The following UBAP2L variants were observed in gnomAD, a reference collection of about 807,000 sequenced individuals.
The protein encoded by UBAP2L is ubiquitin-associated protein 2-like.
UBAP2L carries 12 observed loss-of-function variants against 130.6 expected under a neutral mutation model. That is an observed-to-expected ratio of 0.09 (90% confidence interval 0.06 to 0.15). The LOEUF is 0.15. Ranked by LOEUF, UBAP2L falls within the 10% of genes least tolerant of loss-of-function variation. UBAP2L has a pLI of 1.00. For missense variants in UBAP2L, 965 were observed against 1,332.5 expected, an observed-to-expected ratio of 0.72 and a Z score of 4.29; for synonymous variants, 503 against 524.7, an observed-to-expected ratio of 0.96 and a Z score of 0.57.
At chr1:154,264,905 A>G (rs763933437) in intron 24 of UBAP2L, among the ~76,000 whole-genome samples, 5 of 152,060 alleles carry the variant, frequency 3.3e-5, no homozygotes, top group African/African-American at 9.7e-5. Flanking sequence ...TGAACTTCCT[A>G]TTCTTAAAAG....
In UBAP2L at chr1:154,234,338, G is replaced by C. The variant is rs948364649; in HGVS notation, c.280-253G>C. Reference sequence around the variant, plus strand: ...AGATCACACCACTGCACTCCAGCCTGGGCAACAGAGCGAGACTCTGTCTCA... The same window carrying C: ...AGATCACACCACTGCACTCCAGCCTCGGCAACAGAGCGAGACTCTGTCTCA... On this transcript the variant is annotated intron_variant, in intron 4 of 26. Transcript: ENST00000428931. 2.6e-5 allele frequency among the ~76,000 whole-genome samples: 4 copies of C among 151,846 alleles called. No homozygotes were observed. The East Asian group carries it at 7.7e-4, about 29-fold the overall frequency.
intron 25 of UBAP2L, among the ~76,000 whole-genome samples, chr1:154,268,030 C>T (rs1459662315): frequency 6.6e-6 from 1 of 151,418 alleles, no homozygotes; most frequent in Non-Finnish European, 1.5e-5. Context: ...GCTGGGATTA[C>T]AGGCATGTGC....
At position 154,257,098 on chromosome 1, in the gene UBAP2L, T is replaced by A; in HGVS notation, c.2193T>A (p.Ser731=). The change falls in exon 19 of 27, where the codon TCT becomes TCA. Residue 731 remains serine, a synonymous_variant. Transcript: ENST00000428931. ...TSVESEANLH[S]SSSTFSTTSS... ...TGGAGAGTGAGGCGAATCTCCATTC[T>A]TCCTCCAGCACTTTTTCCACCACAT... The A allele has an allele frequency of 6.2e-7, 1 of 1,614,102 alleles. No homozygotes were observed. The highest frequency in any genetic ancestry group is 1.6e-4 in the Middle Eastern group (1 of 6,062).
intron 24 of UBAP2L, among the ~76,000 whole-genome samples, chr1:154,264,922 C>T (rs901922086): frequency 6.6e-6 from 1 of 152,062 alleles, no homozygotes; most frequent in Non-Finnish European, 1.5e-5. Flanking sequence ...AAAGTTATGC[C>T]TGTTACTCAG....
In UBAP2L at chr1:154,253,937, G is replaced by C; in HGVS notation, c.1702G>C (p.Glu568Gln). 6.2e-7 allele frequency: 1 copy of C among 1,614,030 alleles called. No homozygotes were observed. The highest frequency in any genetic ancestry group is 8.5e-7 in the Non-Finnish European group (1 of 1,180,012). ...TACAATTTCATCTAACCAGAGTCAG[G>C]AGTCTGGTTATCAGAGCGGCCCAAT... The part of the protein sequence containing the change: ...SSTISSNQSQ[E>Q]SGYQSGPIQS... Residue 568 changes from glutamate to glutamine, a missense_variant, in exon 15 of 27, where the codon GAG (glutamate) becomes CAG (glutamine). Coordinates refer to ENST00000428931, the MANE Select transcript of UBAP2L (RefSeq NM_014847.4).
chr1:154,254,991 C>G (rs1571887610), intron 16 of UBAP2L, 101 bp downstream of exon 16: 2 of 1,440,306 alleles, frequency 1.4e-6, no homozygotes, highest in Admixed American at 4.5e-5. Flanking sequence ...GAGACCCATG[C>G]TGTGTAATTC....
At chr1:154,260,090 C>T in intron 22 of UBAP2L, 61 bp downstream of exon 22, 3 of 1,526,988 alleles carry the variant, frequency 2.0e-6, no homozygotes, top group African/African-American at 2.7e-5. Context: ...TGATGGCAGA[C>T]ACCTGATTGG....
intron 11 of UBAP2L, among the ~76,000 whole-genome samples, chr1:154,248,829 AAAAC>A (rs1676536543): frequency 6.6e-6 from 1 of 152,152 alleles, no homozygotes; most frequent in Non-Finnish European, 1.5e-5. Context: ...AACAAAAACA[AAAAC>A]AAAAATTCTC....
Position 154,270,775 on chromosome 1 carries a change from T to C in UBAP2L, c.*480T>C, listed in dbSNP as rs902715457. 27 of 1,225,812 alleles carry C rather than the reference T, an allele frequency of 2.2e-5. No homozygotes were observed. Among genetic ancestry groups the C allele is most frequent in the East Asian group, 3.6e-5 (1 of 27,682 alleles). 75.9% of individuals were successfully genotyped at this position (1,225,812 alleles called of 1,614,324 possible). ...GTTGAAGTGGTTTTTTTTTTGTTTTTTTTTTTTTTTTGTACTGTGTCCTCA... is the reference window on the plus strand; with the variant it reads ...GTTGAAGTGGTTTTTTTTTTGTTTTCTTTTTTTTTTTGTACTGTGTCCTCA... On this transcript the variant is annotated 3_prime_UTR_variant, in exon 27 of 27. Coordinates refer to ENST00000428931, the MANE Select transcript of UBAP2L (RefSeq NM_014847.4).
At chr1:154,266,643 CAG>C in intron 25 of UBAP2L, 75 bp downstream of exon 25, 3 of 1,489,974 alleles carry the variant, frequency 2.0e-6, no homozygotes, top group East Asian at 2.3e-5. Context: ...GTAGAAATAA[CAG>C]TGGACAAGAA....
At chr1:154,243,415 A>C in intron 10 of UBAP2L, 113 bp downstream of exon 10, 1 of 819,976 alleles carries the variant, frequency 1.2e-6, no homozygotes, top group Non-Finnish European at 1.9e-6. Context: ...ATAATAACCA[A>C]ATTACATTAC....
intron 4 of UBAP2L, among the ~76,000 whole-genome samples, chr1:154,234,092 G>A (rs1670831673): frequency 6.6e-6 from 1 of 152,104 alleles, no homozygotes; most frequent in Admixed American, 6.5e-5. Context: ...TGGGTGCAGT[G>A]GCTCACATCT....
At position 154,246,033 on chromosome 1, in the gene UBAP2L, C is replaced by G. The variant is rs561166341; in HGVS notation, c.843-171C>G. Among the ~76,000 whole-genome samples, 6 of 152,160 alleles carry G rather than the reference C, an allele frequency of 3.9e-5. No homozygotes were observed. The South Asian group carries it at 1.0e-3, about 26-fold the overall frequency. On this transcript the variant is annotated intron_variant, in intron 10 of 26. Transcript: ENST00000428931. ...AATTCAGCTATATACTGTAGTGACT[C>G]TTATGCATCAGTTATTTTGGGACAT... is the stretch of plus-strand genomic sequence containing the variant.
intron 3 of UBAP2L, 109 bp downstream of exon 3, chr1:154,227,468 A>C: frequency 1.0e-6 from 1 of 977,064 alleles, no homozygotes; most frequent in South Asian, 1.4e-5. Context: ...AGGTATTGAA[A>C]GAATTTTGAC....
rs376270067 is a variant in UBAP2L at position 154,251,328 on chromosome 1, C to A, written c.1491+10C>A. ...CTCCTTGACTTCTAAGGTACTTAAA[C>A]TTTTAGGTAGATACCATTTTATGGC... On this transcript the variant is annotated intron_variant, in intron 13 of 26. Transcript: ENST00000428931. The A allele has an allele frequency of 2.3e-4, 366 of 1,605,164 alleles. 3 individuals are homozygous for A. The African/African-American group carries it at 4.4e-3, about 19-fold the overall frequency.
At chr1:154,257,819 C>T (rs1288940657) in intron 20 of UBAP2L, 1 of 247,752 alleles carries the variant, frequency 4.0e-6, no homozygotes, top group South Asian at 5.4e-5. Context: ...ATGGTGCACA[C>T]ATGTATGCAT....
At chr1:154,231,953 T>G (rs1449951199) in intron 4 of UBAP2L, among the ~76,000 whole-genome samples, 1 of 152,216 alleles carries the variant, frequency 6.6e-6, no homozygotes, top group African/African-American at 2.4e-5. Context: ...TATCTAATAC[T>G]CAGCCCATAT....
chr1:154,250,448 T>C (rs1259450023), intron 12 of UBAP2L, among the ~76,000 whole-genome samples: 1 of 152,194 alleles, frequency 6.6e-6, no homozygotes, highest in Non-Finnish European at 1.5e-5. Context: ...AAAGCCAGTT[T>C]CCAAGCACCT....
rs1322690106 is a variant in UBAP2L at position 154,257,044 on chromosome 1, A to C, written c.2158-19A>C. On this transcript the variant is annotated intron_variant, in intron 18 of 26. Transcript: ENST00000428931. Reference sequence around the variant, plus strand: ...GATCTCTTTTCTTCTTCTCTCTTCCACTGCTCCCCCTTTTGAAGCACACAA... The same window carrying C: ...GATCTCTTTTCTTCTTCTCTCTTCCCCTGCTCCCCCTTTTGAAGCACACAA... The C allele has an allele frequency of 1.2e-6, 2 of 1,607,610 alleles. No homozygotes were observed. The highest frequency in any genetic ancestry group is 2.2e-5 in the South Asian group (2 of 90,930).
Sources: allele counts gnomAD v4.1 joint callset (sites outside exome capture counted in the v4.1 genomes callset), GRCh38; gene constraint gnomAD v4.1.1; transcripts MANE v1.5; gene names NCBI Gene and HGNC (gene_info 2026-07-23, HGNC 2026-07-21).